The following IQGAP2 variants were observed in gnomAD, a reference collection of about 807,000 sequenced individuals.
The protein encoded by IQGAP2 is ras GTPase-activating-like protein IQGAP2.
IQGAP2 carries 173 observed loss-of-function variants against 201.3 expected under a neutral mutation model. The ratio of observed to expected loss-of-function variants is 0.86; its 90% confidence interval spans 0.76 to 0.98. The LOEUF is 0.98. Among genes scored for constraint, IQGAP2 ranks in the 50% least tolerant of loss-of-function variants. The pLI is 0.00. For synonymous variants in IQGAP2, 675 were observed against 673.9 expected (o/e 1.00, Z -0.03); for missense variants, 1,687 against 1,864.8 (o/e 0.90, Z 1.76).
At chr5:76,595,768 AAGAGAG>A (rs142088212) in intron 9 of IQGAP2, among the ~76,000 whole-genome samples, 2,888 of 144,274 alleles carry the variant, frequency 0.02, 58 homozygotes, top group African/African-American at 0.055. Flanking sequence ...CAAAAAAAGA[AAGAGAG>A]AGAGAGAGAG....
rs139725820 is a variant in IQGAP2 at position 76,529,534 on chromosome 5, G to A, written c.147-32862G>A. ...TCCCAGCTAGTCAAGAGGCTGAGGCGGGAGAATTGCTTGAACCCGGGAGGC... is the reference window on the plus strand; with the variant it reads ...TCCCAGCTAGTCAAGAGGCTGAGGCAGGAGAATTGCTTGAACCCGGGAGGC... On this transcript the variant is annotated intron_variant, in intron 2 of 35. Coordinates refer to ENST00000274364, the MANE Select transcript of IQGAP2 (RefSeq NM_006633.5). Among the ~76,000 whole-genome samples the A allele has an allele frequency of 4.0e-3, 614 of 151,788 alleles. 6 individuals carry two copies. Among genetic ancestry groups the A allele is most frequent in the African/African-American group, 0.013 (552 of 41,420 alleles).
At chr5:76,528,422 G>C (rs1759092059) in intron 2 of IQGAP2, among the ~76,000 whole-genome samples, 1 of 152,264 alleles carries the variant, frequency 6.6e-6, no homozygotes, top group Admixed American at 6.5e-5. Context: ...TAAATATTTA[G>C]AGGAAGCAGG....
In IQGAP2 at chr5:76,683,233, T is replaced by C; in HGVS notation, c.3763+16T>C. 6.3e-7 allele frequency: 1 copy of C among 1,578,564 alleles called. No individual in the cohort carries two copies. Among genetic ancestry groups the C allele is most frequent in the Non-Finnish European group, 8.7e-7 (1 of 1,152,970 alleles). ...TCTTTTCTTGGTAAGAGCTTGTTCC[T>C]TCTACTTATCCCTTGGTTTTTGTTT... On this transcript the variant is annotated intron_variant, in intron 29 of 35. Transcript: ENST00000274364.
intron 14 of IQGAP2, chr5:76,628,673 C>T: frequency 4.4e-6 from 2 of 456,044 alleles, no homozygotes; most frequent in South Asian, 1.6e-5. Flanking sequence ...ATGACTTTGT[C>T]TTACTCCACA....
rs142187715 is a variant in IQGAP2, at chr5:76,483,163, T to C, written c.146+21494T>C. Among the ~76,000 whole-genome samples the C allele has an allele frequency of 6.3e-3, 955 of 152,342 alleles. 11 individuals are homozygous for C. The highest frequency in any genetic ancestry group is 0.02 in the African/African-American group (817 of 41,584). On this transcript the variant is annotated intron_variant, in intron 2 of 35. Coordinates refer to ENST00000274364, the MANE Select transcript of IQGAP2 (RefSeq NM_006633.5). ...TGCGCCTTCAGCTGCTTTTTATTGA[T>C]AGTGTTTGCACGTTTACTTCCTGAA...
intron 1 of IQGAP2, among the ~76,000 whole-genome samples, chr5:76,457,693 T>C (rs1754184135): frequency 6.6e-6 from 1 of 152,214 alleles, no homozygotes; most frequent in Non-Finnish European, 1.5e-5. Context: ...TATTTTTACA[T>C]TGGATTTTGT....
At chr5:76,494,805 G>C (rs571797202) in intron 2 of IQGAP2, among the ~76,000 whole-genome samples, 1 of 152,092 alleles carries the variant, frequency 6.6e-6, no homozygotes, top group Non-Finnish European at 1.5e-5. Flanking sequence ...AAAGAAAGCT[G>C]TTGAAGAAGA....
chr5:76,461,604 G>A lies in IQGAP2; in HGVS notation c.81G>A (p.Glu27=). 1.2e-6 allele frequency: 2 copies of A among 1,614,004 alleles called. No individual in the cohort carries two copies. Among genetic ancestry groups the A allele is most frequent in the Non-Finnish European group, 1.7e-6 (2 of 1,179,892 alleles). ...ACGATGAAAGGCTCTCTGCAGAGGA[G>A]ATGGATGAGAGGAGGCGGCAGAACA... The part of the protein sequence containing the change: ...IVDDERLSAE[E]MDERRRQNIA... Residue 27 remains glutamate, a synonymous_variant, in exon 2 of 36, where the codon GAG becomes GAA. Coordinates refer to ENST00000274364, the MANE Select transcript of IQGAP2 (RefSeq NM_006633.5).
chr5:76,458,598 A>G (rs1216498865), intron 1 of IQGAP2, among the ~76,000 whole-genome samples: 1 of 152,198 alleles, frequency 6.6e-6, no homozygotes, highest in Non-Finnish European at 1.5e-5. Flanking sequence ...TTAGAAAGTC[A>G]GTGGGCCAGG....
At chr5:76,471,377 A>AAC (rs1561396547) in intron 2 of IQGAP2, among the ~76,000 whole-genome samples, 950 of 54,114 alleles carry the variant, frequency 0.018, 15 homozygotes, top group African/African-American at 0.054. Flanking sequence ...AAAAAAAAAA[A>AAC]AAAAAAAAAC....
chr5:76,528,914 G>A (rs1759126070), intron 2 of IQGAP2, among the ~76,000 whole-genome samples: 1 of 152,178 alleles, frequency 6.6e-6, no homozygotes, highest in African/African-American at 2.4e-5. Flanking sequence ...CTAAACACCA[G>A]ATTTTGTTTG....
At chr5:76,453,315 G>GT (rs1160598326) in intron 1 of IQGAP2, among the ~76,000 whole-genome samples, 1 of 152,146 alleles carries the variant, frequency 6.6e-6, no homozygotes, top group South Asian at 2.1e-4. Context: ...TTCTGTCTGT[G>GT]TTTTTTTATT....
rs190789494 is a variant in IQGAP2 at position 76,474,537 on chromosome 5, G to A, written c.146+12868G>A. Among the ~76,000 whole-genome samples, 58 of 152,234 alleles carry A rather than the reference G, an allele frequency of 3.8e-4. 1 individual carries two copies. Among genetic ancestry groups the A allele is most frequent in the African/African-American group, 8.7e-4 (36 of 41,532 alleles). ...TAGTCATTTCTGCACTCTGTACTCC[G>A]TCCTACTTGGCTTAATGTCCCTGGG... On this transcript the variant is annotated intron_variant, in intron 2 of 35. Transcript: ENST00000274364.
At chr5:76,450,961 C>T (rs1753703706) in intron 1 of IQGAP2, among the ~76,000 whole-genome samples, 1 of 152,098 alleles carries the variant, frequency 6.6e-6, no homozygotes, top group African/African-American at 2.4e-5. Context: ...CACTCACTAA[C>T]AGCATATGCT....
At chr5:76,468,522 C>T (rs566737341) in intron 2 of IQGAP2, among the ~76,000 whole-genome samples, 184 of 152,342 alleles carry the variant, frequency 1.2e-3, no homozygotes, top group Middle Eastern at 3.4e-3. Context: ...CTCTATCCCA[C>T]CACTGCTAGC....
chr5:76,652,804 T>A lies in IQGAP2; in HGVS notation c.2149T>A (p.Phe717Ile). The A allele has an allele frequency of 6.2e-7, 1 of 1,609,736 alleles. No homozygotes were observed. Among genetic ancestry groups the A allele is most frequent in the East Asian group, 2.2e-5 (1 of 44,872 alleles). The change falls in exon 18 of 36, where the codon TTC becomes ATC. Residue 717 changes from phenylalanine to isoleucine, a missense_variant. Transcript: ENST00000274364. ...RKEYMHRRQT[F>I]IDNTDSIVKI... ...GGAGTATATGCACAGGCGGCAAACG[T>A]TCATTGATAATACTGATTCTATTGT...
At chr5:76,515,614 A>G (rs928289584) in intron 2 of IQGAP2, among the ~76,000 whole-genome samples, 4 of 152,182 alleles carry the variant, frequency 2.6e-5, no homozygotes, top group African/African-American at 9.7e-5. Flanking sequence ...TATAGGAACA[A>G]ATTTGTTTCT....
At chr5:76,557,427 T>C (rs1245832063) in intron 2 of IQGAP2, among the ~76,000 whole-genome samples, 2 of 152,240 alleles carry the variant, frequency 1.3e-5, no homozygotes, top group Non-Finnish European at 2.9e-5. Flanking sequence ...CAAAAGATCA[T>C]GCTCAATAAA....
chr5:76,435,621 T>C lies in IQGAP2; in HGVS notation c.47-25949T>C, dbSNP rs1752610617. 2.0e-5 allele frequency among the ~76,000 whole-genome samples: 3 copies of C among 152,356 alleles called. No individual in the cohort carries two copies. The South Asian group carries it at 6.2e-4, about 32-fold the overall frequency. ...TATAATTTGAAGTCAGTTAATGTGA[T>C]ACCTCCAGATTTGTTCTTTTTGCTT... On this transcript the variant is annotated intron_variant, in intron 1 of 35. Coordinates refer to ENST00000274364, the MANE Select transcript of IQGAP2 (RefSeq NM_006633.5).
Sources: gnomAD v4.1 joint callset for allele counts (sites outside exome capture counted in the v4.1 genomes callset) on GRCh38, gnomAD v4.1.1 for gene constraint, MANE v1.5 for transcripts, NCBI Gene and HGNC (gene_info 2026-07-23, HGNC 2026-07-21) for gene names.